Variants in RNF217 observed in about 807,000 individuals in gnomAD.
RNF217 encodes E3 ubiquitin-protein ligase RNF217.
A neutral mutation model predicts 57.8 loss-of-function variants in RNF217; 31 were observed. The observed-to-expected ratio is 0.54, with a 90% CI of 0.40 to 0.72. The LOEUF (loss-of-function observed/expected upper bound fraction) is 0.72. RNF217 is among the 30% of genes least tolerant of loss of function. The pLI is 0.00. For missense variants in RNF217, 696 were observed against 708.3 expected (o/e 0.98, Z 0.20); for synonymous variants, 313 against 294.0 (o/e 1.06, Z -0.66).
chr6:125,000,668 A>G (rs910101773), intron 1 of RNF217, among the ~76,000 whole-genome samples: 8 of 152,084 alleles, frequency 5.3e-5, no homozygotes, highest in Non-Finnish European at 1.2e-4. Flanking sequence ...ACCCTAGAAT[A>G]TATTTTATCT....
chr6:124,972,787 T>A (rs1238895242), intron 1 of RNF217, among the ~76,000 whole-genome samples: 1 of 152,140 alleles, frequency 6.6e-6, no homozygotes, highest in Non-Finnish European at 1.5e-5. Context: ...TGACCCCCTA[T>A]ATCTAGATTA....
intron 1 of RNF217, among the ~76,000 whole-genome samples, chr6:124,996,987 T>C (rs1447888245): frequency 6.6e-6 from 1 of 152,220 alleles, no homozygotes; most frequent in Non-Finnish European, 1.5e-5. Flanking sequence ...AATATGTTCC[T>C]CTTCACACAG....
At chr6:125,021,421 A>G (rs948590776) in intron 1 of RNF217, among the ~76,000 whole-genome samples, 2 of 151,990 alleles carry the variant, frequency 1.3e-5, no homozygotes, top group African/African-American at 4.8e-5. Flanking sequence ...GCCTGCCACC[A>G]TGCCCGACTA....
chr6:125,054,694 T>C (rs1787458741), intron 2 of RNF217, among the ~76,000 whole-genome samples: 1 of 152,202 alleles, frequency 6.6e-6, no homozygotes, highest in South Asian at 2.1e-4. Context: ...GTCCAATAAA[T>C]TGTGGCCTGG....
intron 1 of RNF217, among the ~76,000 whole-genome samples, chr6:124,974,487 T>A (rs943762383): frequency 2.0e-5 from 3 of 152,166 alleles, no homozygotes; most frequent in Non-Finnish European, 4.4e-5. Flanking sequence ...AATTAAATAT[T>A]TTAGGTAGTT....
At chr6:124,972,912 C>T (rs999146028) in intron 1 of RNF217, among the ~76,000 whole-genome samples, 1 of 152,136 alleles carries the variant, frequency 6.6e-6, no homozygotes, top group South Asian at 2.1e-4. Context: ...GTTTCCTGCT[C>T]TGTGCTTCCA....
At chr6:124,966,262 A>C (rs1783535922) in intron 1 of RNF217, among the ~76,000 whole-genome samples, 1 of 152,192 alleles carries the variant, frequency 6.6e-6, no homozygotes, top group Non-Finnish European at 1.5e-5. Flanking sequence ...CTCTACTCAA[A>C]GGTTGTGTTT....
intron 1 of RNF217, among the ~76,000 whole-genome samples, chr6:125,042,046 A>T (rs779353669): frequency 6.6e-5 from 10 of 152,170 alleles, no homozygotes; most frequent in Non-Finnish European, 1.3e-4. Flanking sequence ...CTTGTTGAAC[A>T]CATGAAAAAC....
chr6:125,024,984 A>G (rs1286658673), intron 1 of RNF217, among the ~76,000 whole-genome samples: 2 of 152,196 alleles, frequency 1.3e-5, no homozygotes, highest in Admixed American at 6.5e-5. Flanking sequence ...ACAATCCATT[A>G]TAAATGCAAC....
intron 1 of RNF217, among the ~76,000 whole-genome samples, chr6:125,045,003 A>G (rs1787039837): frequency 6.6e-6 from 1 of 152,110 alleles, no homozygotes; most frequent in African/African-American, 2.4e-5. Flanking sequence ...TAAATGCCCT[A>G]TAAGTCATTT....
In RNF217 at chr6:125,021,959, G is replaced by A. The variant is rs189316135; in HGVS notation, c.883-23252G>A. On this transcript the variant is annotated intron_variant, in intron 1 of 5. Transcript: ENST00000521654. ...TGCACTGGCATGATCTCAGCTCACT[G>A]CAACTTCTGCCTCCCAGGTTCAAGC... Among the ~76,000 whole-genome samples, 940 of 152,204 alleles carry A rather than the reference G, an allele frequency of 6.2e-3. 9 individuals carry two copies. Among genetic ancestry groups the A allele is most frequent in the African/African-American group, 0.022 (905 of 41,536 alleles).
chr6:125,035,588 ATCTCT>A (rs1235386485), intron 1 of RNF217, among the ~76,000 whole-genome samples: 5 of 152,180 alleles, frequency 3.3e-5, no homozygotes, highest in Admixed American at 3.3e-4. Flanking sequence ...TGTGTTCCAA[ATCTCT>A]TCTCACACTT....
intron 1 of RNF217, among the ~76,000 whole-genome samples, chr6:125,015,372 T>C (rs1346035763): frequency 6.6e-6 from 1 of 152,162 alleles, no homozygotes; most frequent in Non-Finnish European, 1.5e-5. Context: ...TATAAGTTTT[T>C]CTACGAAAAT....
At chr6:125,017,977 C>T (rs1247184784) in intron 1 of RNF217, among the ~76,000 whole-genome samples, 1 of 152,180 alleles carries the variant, frequency 6.6e-6, no homozygotes. Flanking sequence ...ATTTTGGTTA[C>T]ATCCAGTCTT....
chr6:125,026,546 G>A (rs1247501019), intron 1 of RNF217, among the ~76,000 whole-genome samples: 4 of 152,138 alleles, frequency 2.6e-5, no homozygotes, highest in African/African-American at 4.8e-5. Context: ...GAGCGTAAAC[G>A]TGTCATCAGT....
chr6:125,073,351 A>G (rs892166439), intron 3 of RNF217, among the ~76,000 whole-genome samples: 15 of 152,176 alleles, frequency 9.9e-5, no homozygotes, highest in African/African-American at 3.6e-4. Flanking sequence ...GCTGACTCAC[A>G]GAAAGCTAAA....
At chr6:125,017,410 G>A (rs1785653677) in intron 1 of RNF217, among the ~76,000 whole-genome samples, 1 of 152,160 alleles carries the variant, frequency 6.6e-6, no homozygotes, top group Non-Finnish European at 1.5e-5. Context: ...ACTGGCAGCT[G>A]TTCCTTCTCC....
rs531678886 is a variant in RNF217, at chr6:124,982,494, G to A, written c.882+19068G>A. Among the ~76,000 whole-genome samples, 13 of 151,748 alleles carry A rather than the reference G, an allele frequency of 8.6e-5. No individual in the cohort carries two copies. In the South Asian group the frequency reaches 1.5e-3, roughly 17 times the overall value. Reference sequence around the variant, plus strand: ...AAAAATGTGGTCATTGGTACCTCACGTATGGGAAAATTCTGTAGTCTAATC... The same window carrying A: ...AAAAATGTGGTCATTGGTACCTCACATATGGGAAAATTCTGTAGTCTAATC... On this transcript the variant is annotated intron_variant, in intron 1 of 5. Coordinates refer to ENST00000521654, the MANE Select transcript of RNF217 (RefSeq NM_001286398.3).
intron 1 of RNF217, among the ~76,000 whole-genome samples, chr6:125,004,720 G>A (rs1785108540): frequency 6.6e-6 from 1 of 152,146 alleles, no homozygotes; most frequent in Admixed American, 6.6e-5. Context: ...CTAAATATAT[G>A]CACAAAGGAC....
Sources: allele counts gnomAD v4.1 joint callset (sites outside exome capture counted in the v4.1 genomes callset), GRCh38; gene constraint gnomAD v4.1.1; transcripts MANE v1.5; gene names NCBI Gene and HGNC (gene_info 2026-07-23, HGNC 2026-07-21).